The following SOX5 variants were observed in gnomAD, a reference collection of about 807,000 sequenced individuals.
The protein encoded by SOX5 is SRY-box transcription factor 5.
In SOX5, 9 loss-of-function variants were observed where a neutral mutation model predicts 92.0. The observed-to-expected ratio is 0.10, with a 90% CI of 0.06 to 0.17. The LOEUF (loss-of-function observed/expected upper bound fraction) is 0.17, where lower values mean the gene tolerates loss of function less well. SOX5 is among the 10% of genes least tolerant of loss of function. The pLI is 1.00. For missense variants in SOX5, 642 were observed against 944.5 expected, an observed-to-expected ratio of 0.68 and a Z score of 4.20; for synonymous variants, 344 against 336.3, an observed-to-expected ratio of 1.02 and a Z score of -0.25.
chr12:24,205,888 G>A (rs1440945793), intron 4 of SOX5, among the ~76,000 whole-genome samples: 1 of 151,830 alleles, frequency 6.6e-6, no homozygotes, highest in African/African-American at 2.4e-5. Flanking sequence ...ATTTCCTTTT[G>A]GACAGCAAAG....
At chr12:23,833,171 A>C (rs1413012027) in intron 3 of SOX5, among the ~76,000 whole-genome samples, 1 of 152,018 alleles carries the variant, frequency 6.6e-6, no homozygotes, top group Non-Finnish European at 1.5e-5. Context: ...CTGAGTCTGG[A>C]AACTCTGCTA....
intron 10 of SOX5, among the ~76,000 whole-genome samples, chr12:23,574,127 ATTAG>A (rs1265933666): frequency 3.9e-5 from 6 of 152,070 alleles, no homozygotes; most frequent in African/African-American, 1.4e-4. Context: ...TAGTATTAAT[ATTAG>A]TTATTTATCT....
At chr12:23,909,843 C>G (rs200176322) in intron 1 of SOX5, among the ~76,000 whole-genome samples, 1 of 134,550 alleles carries the variant, frequency 7.4e-6, no homozygotes, top group Non-Finnish European at 1.6e-5. Context: ...CATTTTTTTT[C>G]CACTACCCAA....
intron 1 of SOX5, among the ~76,000 whole-genome samples, chr12:24,375,639 G>A (rs923677571): frequency 2.0e-5 from 3 of 151,606 alleles, no homozygotes; most frequent in African/African-American, 7.3e-5. Flanking sequence ...GGCAGGCTGG[G>A]GCAGGAGAAT....
In SOX5 at chr12:24,029,397, C is replaced by A. The variant is rs548772362; in HGVS notation, c.-1-133373G>T. 2.0e-5 allele frequency among the ~76,000 whole-genome samples: 3 copies of A among 152,048 alleles called. No homozygotes were observed. In the South Asian group the frequency reaches 6.2e-4, roughly 32 times the overall value. On this transcript the variant is annotated intron_variant, in intron 4 of 4. Coordinates refer to the SOX5 transcript ENST00000446891. ...TCAAGCTGTTCTCCCACCTCAGCCTCCCAAGTAGCTAGGACTACAGATATG... is the reference window on the plus strand; with the variant it reads ...TCAAGCTGTTCTCCCACCTCAGCCTACCAAGTAGCTAGGACTACAGATATG...
intron 1 of SOX5, among the ~76,000 whole-genome samples, chr12:24,490,818 C>A (rs1294840086): frequency 1.3e-5 from 2 of 152,134 alleles, no homozygotes; most frequent in Non-Finnish European, 2.9e-5. Flanking sequence ...TTACTTGAAG[C>A]ATGATACTCT....
intron 4 of SOX5, among the ~76,000 whole-genome samples, chr12:24,107,910 C>T (rs2138085968): frequency 6.6e-6 from 1 of 152,208 alleles, no homozygotes; most frequent in East Asian, 1.9e-4. Flanking sequence ...AAAAGCAAAG[C>T]CAAGTGAATG....
intron 1 of SOX5, among the ~76,000 whole-genome samples, chr12:24,510,988 C>T (rs1490467244): frequency 6.6e-6 from 1 of 152,208 alleles, no homozygotes; most frequent in East Asian, 1.9e-4. Context: ...TTAATAATGA[C>T]TTGCTTCACA....
chr12:24,178,244 CTTTTTTT>C (rs5797065), intron 4 of SOX5, among the ~76,000 whole-genome samples: 2 of 109,574 alleles, frequency 1.8e-5, no homozygotes, highest in African/African-American at 7.3e-5. Context: ...AAGAGCTTGA[CTTTTTTT>C]TTTTTTTTTT....
chr12:24,521,147 C>A (rs1408890013), intron 1 of SOX5, among the ~76,000 whole-genome samples: 1 of 152,142 alleles, frequency 6.6e-6, no homozygotes, highest in Non-Finnish European at 1.5e-5. Context: ...CTCCGCCTCC[C>A]GGGTACAAGC....
chr12:23,919,820 A>T (rs956681014), intron 1 of SOX5, among the ~76,000 whole-genome samples: 50 of 152,362 alleles, frequency 3.3e-4, no homozygotes, highest in African/African-American at 1.2e-3. Flanking sequence ...TTACAGACAG[A>T]AACTATCTTT....
chr12:24,060,281 T>C (rs1939412355), intron 4 of SOX5, among the ~76,000 whole-genome samples: 1 of 152,184 alleles, frequency 6.6e-6, no homozygotes, highest in Non-Finnish European at 1.5e-5. Flanking sequence ...AAACTGAGGC[T>C]TGAAAAGATT....
At chr12:24,394,579 T>A (rs997105151) in intron 1 of SOX5, among the ~76,000 whole-genome samples, 6 of 152,188 alleles carry the variant, frequency 3.9e-5, no homozygotes, top group African/African-American at 1.2e-4. Context: ...GCTCTAAGCA[T>A]TGGGTATCTA....
At chr12:23,911,992 C>T (rs2097357156) in intron 1 of SOX5, among the ~76,000 whole-genome samples, 1 of 151,978 alleles carries the variant, frequency 6.6e-6, no homozygotes. Context: ...GAATATGATG[C>T]TAACAATGAA....
At position 23,755,649 on chromosome 12, in the gene SOX5, C is replaced by A; in HGVS notation, c.557G>T (p.Gly186Val). Residue 186 changes from glycine (G) to valine (V), a missense_variant, in exon 4 of 15, where the codon GGC becomes GTC. Physicochemically the swap from Gly to Val is moderately radical, Grantham distance 109. Transcript: ENST00000451604. ...KLLAMGSGNF[G>V]EIKGTPESLA... is the part of the protein sequence containing the mutation. ...TCACACCATATTACCTTTTATTTCG[C>A]CAAAGTTCCCCGATCCCATTGCAAG... 1 of 1,590,870 alleles carries A rather than the reference C, an allele frequency of 6.3e-7. No homozygotes were observed. The highest frequency in any genetic ancestry group is 8.6e-7 in the Non-Finnish European group (1 of 1,169,464).
chr12:24,452,146 G>A (rs1942400336), intron 1 of SOX5, among the ~76,000 whole-genome samples: 1 of 152,164 alleles, frequency 6.6e-6, no homozygotes, highest in Non-Finnish European at 1.5e-5. Context: ...TGAGGCATTA[G>A]AGCTTGCAAC....
At chr12:24,235,637 A>C (rs1043510865) in intron 3 of SOX5, among the ~76,000 whole-genome samples, 5 of 152,246 alleles carry the variant, frequency 3.3e-5, no homozygotes, top group African/African-American at 9.6e-5. Flanking sequence ...TTATCTTCTT[A>C]AGAAAGTATG....
At chr12:23,953,459 T>C (rs1362276572), upstream of SOX5, among the ~76,000 whole-genome samples, 3 of 152,200 alleles carry the variant, frequency 2.0e-5, no homozygotes, top group East Asian at 5.8e-4. Flanking sequence ...AATGTGATGT[T>C]TGTTAAGGTT....
chr12:23,600,549 A>G (rs1566193820), intron 9 of SOX5, among the ~76,000 whole-genome samples: 1 of 128,916 alleles, frequency 7.8e-6, no homozygotes, highest in African/African-American at 2.8e-5. Context: ...ATATATATAT[A>G]TATACACATA....
Sources: allele counts gnomAD v4.1 joint callset (sites outside exome capture counted in the v4.1 genomes callset), GRCh38; gene constraint gnomAD v4.1.1; transcripts MANE v1.5; gene names NCBI Gene and HGNC (gene_info 2026-07-23, HGNC 2026-07-21).